Variants in CHD7 observed in about 807,000 individuals in gnomAD.
The protein encoded by CHD7 is ATP-dependent chromatin remodeler CHD7.
CHD7 carries 24 observed loss-of-function variants against 307.3 expected under a neutral mutation model. That is an observed-to-expected ratio of 0.08 (90% CI 0.06 to 0.11). The LOEUF is 0.11. Ranked by LOEUF, CHD7 falls within the 10% of genes least tolerant of loss-of-function variation. The probability of loss-of-function intolerance (pLI) is 1.00; values close to 1 mark genes in which losing one functional copy is unlikely to be tolerated. For synonymous variants in CHD7, 1,363 were observed against 1,349.9 expected, an observed-to-expected ratio of 1.01 and a Z score of -0.21; for missense variants, 3,106 against 3,727.1, an observed-to-expected ratio of 0.83 and a Z score of 4.34.
At chr8:60,734,546 T>C (rs1253310780) in intron 1 of CHD7, among the ~76,000 whole-genome samples, 1 of 152,008 alleles carries the variant, frequency 6.6e-6, no homozygotes, top group African/African-American at 2.4e-5. Context: ...CTTCCGAAGA[T>C]GGGTGATAAC....
intron 2 of CHD7, among the ~76,000 whole-genome samples, chr8:60,750,579 A>G (rs1240965220): frequency 6.6e-6 from 1 of 152,250 alleles, no homozygotes; most frequent in Non-Finnish European, 1.5e-5. Context: ...TGGTAAAACT[A>G]ATTTTAGTAA....
chr8:60,799,042 T>C (rs1301296014), intron 4 of CHD7, among the ~76,000 whole-genome samples: 1 of 152,246 alleles, frequency 6.6e-6, no homozygotes, highest in Admixed American at 6.5e-5. Flanking sequence ...CATGTACATA[T>C]ACATTCATCT....
chr8:60,689,834 C>A (rs966336081), intron 1 of CHD7, among the ~76,000 whole-genome samples: 2 of 152,140 alleles, frequency 1.3e-5, no homozygotes, highest in African/African-American at 2.4e-5. Context: ...AAGACGTAGC[C>A]GACATCAAAG....
intron 7 of CHD7, among the ~76,000 whole-genome samples, chr8:60,812,070 G>A (rs1812835899): frequency 6.6e-6 from 1 of 152,086 alleles, no homozygotes; most frequent in South Asian, 2.1e-4. Context: ...GTTATATGTT[G>A]CAACTATCTT....
At chr8:60,732,041 C>G (rs1808480358) in intron 1 of CHD7, among the ~76,000 whole-genome samples, 1 of 152,234 alleles carries the variant, frequency 6.6e-6, no homozygotes, top group Non-Finnish European at 1.5e-5. Context: ...GTGCACTGTT[C>G]TAGCAAAGAG....
intron 26 of CHD7, 178 bp downstream of exon 26, chr8:60,850,800 T>C: frequency 2.7e-6 from 2 of 752,476 alleles, no homozygotes; most frequent in South Asian, 3.8e-5. Flanking sequence ...TACATTATCT[T>C]GATAATCTGA....
At chr8:60,860,634 C>T (rs1183773322) in intron 34 of CHD7, among the ~76,000 whole-genome samples, 3 of 152,122 alleles carry the variant, frequency 2.0e-5, no homozygotes, top group Admixed American at 6.5e-5. Context: ...GGGGTTTCAC[C>T]ATGTTGGCCA....
intron 3 of CHD7, among the ~76,000 whole-genome samples, chr8:60,787,598 C>G (rs774051228): frequency 3.6e-4 from 55 of 151,922 alleles, no homozygotes; most frequent in Non-Finnish European, 5.7e-4. Flanking sequence ...CTTAAACTTC[C>G]ATTAGAATAC....
intron 1 of CHD7, among the ~76,000 whole-genome samples, chr8:60,718,995 C>A (rs1807759506): frequency 6.6e-6 from 1 of 152,222 alleles, no homozygotes; most frequent in Non-Finnish European, 1.5e-5. Flanking sequence ...TAGGCTGTAT[C>A]ATGTTGCCTA....
chr8:60,700,957 C>T lies in CHD7; in HGVS notation c.-175+21875C>T, dbSNP rs561729065. On this transcript the variant is annotated intron_variant, in intron 1 of 37. Transcript: ENST00000423902. ...CGCTGCTCACAGAGCACAGGCTGCT[C>T]ATTTGAATTCTGTCTCAGGTTTTGA... Among the ~76,000 whole-genome samples, 6 of 152,272 alleles carry T rather than the reference C, an allele frequency of 3.9e-5. No homozygotes were observed. The East Asian group carries it at 1.2e-3, about 29-fold the overall frequency.
chr8:60,695,733 C>A (rs1193916783), intron 1 of CHD7, among the ~76,000 whole-genome samples: 2 of 152,010 alleles, frequency 1.3e-5, no homozygotes, highest in Non-Finnish European at 2.9e-5. Flanking sequence ...TCAATAAACA[C>A]AAAAATTTCC....
In CHD7 at chr8:60,742,783, G is replaced by A. The variant is rs1475943467; in HGVS notation, c.1351G>A (p.Gly451Ser). The change falls in exon 2 of 38, where the codon GGC (glycine) becomes AGC (serine). Residue 451 changes from glycine to serine, a missense_variant. Physicochemically the swap from Gly to Ser is moderately conservative, Grantham distance 56. Around this residue, in one of 10 missense-constraint regions of CHD7, gnomAD observed 998 missense variants for 1,004.5 expected, o/e 0.99. Coordinates refer to ENST00000423902, the MANE Select transcript of CHD7 (RefSeq NM_017780.4). ...CATGGGAATCGGACAGAGGAATATG[G>A]GCCCCAGAAACATGCAGCAGTCTCG... ...GAMGIGQRNM[G>S]PRNMQQSRPF... The A allele has an allele frequency of 1.9e-6, 3 of 1,613,980 alleles. No individual in the cohort carries two copies. The highest frequency in any genetic ancestry group is 1.3e-5 in the African/African-American group (1 of 75,036).
chr8:60,698,254 G>A (rs1806583880), intron 1 of CHD7, among the ~76,000 whole-genome samples: 1 of 152,180 alleles, frequency 6.6e-6, no homozygotes, highest in African/African-American at 2.4e-5. Context: ...ATACAAAGCA[G>A]GGAAGGACCC....
chr8:60,684,405 A>G (rs180905973), intron 1 of CHD7, among the ~76,000 whole-genome samples: 10 of 152,320 alleles, frequency 6.6e-5, no homozygotes, highest in Admixed American at 3.9e-4. Context: ...ATGCAATGCT[A>G]TGAATTGTCA....
At chr8:60,820,907 T>TA (rs1484304817) in intron 9 of CHD7, among the ~76,000 whole-genome samples, 2 of 152,208 alleles carry the variant, frequency 1.3e-5, no homozygotes, top group Non-Finnish European at 2.9e-5. Flanking sequence ...ATTTACATTG[T>TA]ACAGGAAATA....
At chr8:60,713,747 C>G (rs1586200261) in intron 1 of CHD7, among the ~76,000 whole-genome samples, 1 of 152,054 alleles carries the variant, frequency 6.6e-6, no homozygotes, top group Non-Finnish European at 1.5e-5. Context: ...GCACAGATTC[C>G]AGGAGAAGCC....
chr8:60,749,655 A>G (rs937187862), intron 2 of CHD7, among the ~76,000 whole-genome samples: 2 of 152,184 alleles, frequency 1.3e-5, no homozygotes, highest in East Asian at 1.9e-4. Context: ...TTGCAGGTAT[A>G]TGCACCTTCA....
chr8:60,702,671 A>T (rs1211775908), intron 1 of CHD7, among the ~76,000 whole-genome samples: 1 of 152,256 alleles, frequency 6.6e-6, no homozygotes, highest in African/African-American at 2.4e-5. Flanking sequence ...AAGAATTTGC[A>T]TATATTCTTA....
At chr8:60,736,270 T>A (rs1219887494) in intron 1 of CHD7, among the ~76,000 whole-genome samples, 1 of 151,936 alleles carries the variant, frequency 6.6e-6, no homozygotes, top group Non-Finnish European at 1.5e-5. Context: ...TGTTCCCAAG[T>A]GGCTGTTGGG....
Sources: allele counts gnomAD v4.1 joint callset (sites outside exome capture counted in the v4.1 genomes callset), GRCh38; gene constraint gnomAD v4.1.1; regional missense constraint gnomAD v4.1.1; transcripts MANE v1.5; gene names NCBI Gene and HGNC (gene_info 2026-07-23, HGNC 2026-07-21).